Variants in RALGAPA1 observed in about 807,000 individuals in gnomAD.
The protein encoded by RALGAPA1 is ral GTPase-activating protein subunit alpha-1.
A neutral mutation model predicts 269.6 loss-of-function variants in RALGAPA1; 52 were observed. The ratio of observed to expected loss-of-function variants is 0.19; its 90% CI spans 0.15 to 0.24. RALGAPA1 has a LOEUF of 0.24. RALGAPA1 is among the 10% of genes least tolerant of loss of function. The pLI is 1.00. For synonymous variants in RALGAPA1, 817 were observed against 1,008.3 expected (o/e 0.81, Z 3.60); for missense variants, 1,917 against 3,013.9 (o/e 0.64, Z 8.52).
At position 35,808,952 on chromosome 14, in the gene RALGAPA1, C is replaced by T. The variant is rs1015543927; in HGVS notation, c.-117G>A. 8.1e-6 allele frequency: 12 copies of T among 1,474,194 alleles called. No homozygotes were observed. The highest frequency in any genetic ancestry group is 9.9e-6 in the Non-Finnish European group (11 of 1,115,056). 91.3% of individuals were successfully genotyped at this position (1,474,194 alleles called of 1,614,324 possible). A position where few individuals can be genotyped will look rare whatever the true frequency, so the allele number is the denominator to read the frequency against. ...TAGCCAGAGAGGCTCATTAGCTCCC[C>T]AGCCTTGCGGGCCAGGGCAGAGCCG... On this transcript the variant is annotated 5_prime_UTR_variant, in exon 1 of 42. Coordinates refer to ENST00000680220, the MANE Select transcript of RALGAPA1 (RefSeq NM_001346249.2).
chr14:35,551,308 T>C (rs2139130164), intron 39 of RALGAPA1, among the ~76,000 whole-genome samples: 1 of 152,200 alleles, frequency 6.6e-6, no homozygotes, highest in Middle Eastern at 3.4e-3. Flanking sequence ...AGAAGTGAAG[T>C]ATCTTGGTGG....
intron 27 of RALGAPA1, among the ~76,000 whole-genome samples, chr14:35,659,470 T>A (rs1384044909): frequency 2.0e-5 from 3 of 152,092 alleles, no homozygotes; most frequent in African/African-American, 4.8e-5. Flanking sequence ...GTATGAAGAT[T>A]TTTAAGATTT....
At chr14:35,623,617 T>C (rs900308181) in intron 35 of RALGAPA1, among the ~76,000 whole-genome samples, 10 of 152,214 alleles carry the variant, frequency 6.6e-5, no homozygotes, top group Non-Finnish European at 1.5e-4. Context: ...TTACAAAATG[T>C]TGGTGAAATT....
intron 20 of RALGAPA1, among the ~76,000 whole-genome samples, chr14:35,684,315 T>C (rs1398929250): frequency 2.6e-5 from 4 of 152,214 alleles, no homozygotes; most frequent in Non-Finnish European, 5.9e-5. Context: ...GCTGAATAAC[T>C]AAGTGGTAAT....
At chr14:35,709,988 A>G (rs1266485631) in intron 16 of RALGAPA1, among the ~76,000 whole-genome samples, 3 of 152,240 alleles carry the variant, frequency 2.0e-5, no homozygotes, top group Non-Finnish European at 4.4e-5. Flanking sequence ...GAGTTTGAGA[A>G]GAATGAGTAT....
intron 16 of RALGAPA1, among the ~76,000 whole-genome samples, chr14:35,708,780 G>C (rs2068032591): frequency 6.6e-6 from 1 of 152,142 alleles, no homozygotes. Context: ...GTTTATCTAA[G>C]AGATATCTGC....
At chr14:35,784,867 G>A (rs2075691709) in intron 1 of RALGAPA1, among the ~76,000 whole-genome samples, 9 of 152,024 alleles carry the variant, frequency 5.9e-5, no homozygotes, top group Admixed American at 4.6e-4. Context: ...TGAGTAGTCC[G>A]ATGATAGGCG....
intron 7 of RALGAPA1, 126 bp downstream of exon 7, chr14:35,756,667 T>G: frequency 1.6e-6 from 1 of 610,732 alleles, no homozygotes; most frequent in Admixed American, 3.4e-5. Context: ...ACCCTTCCCC[T>G]CCAACCTCCC....
intron 7 of RALGAPA1, 125 bp downstream of exon 7, chr14:35,756,668 C>G (rs2141312345): frequency 1.6e-6 from 1 of 615,030 alleles, no homozygotes; most frequent in South Asian, 2.9e-5. Context: ...CCCTTCCCCT[C>G]CAACCTCCCT....
At position 35,688,479 on chromosome 14, in the gene RALGAPA1, T is replaced by C. The variant is rs1349782973; in HGVS notation, c.3932A>G (p.Tyr1311Cys). The C allele has an allele frequency of 1.9e-5, 29 of 1,536,002 alleles. No individual in the cohort carries two copies. The South Asian group carries it at 2.5e-4, about 13-fold the overall frequency. ...LRDLYSHVMGYFGRKAAVNKE... is the reference protein window; with the variant it reads ...LRDLYSHVMGCFGRKAAVNKE... ...CTCACCTGCAGCTTTCCTTCCAAAA[T>C]AGCCCATTACATGACTGTACAGATC... The change falls in exon 18 of 42, where the codon TAT becomes TGT. Residue 1311 changes from tyrosine to cysteine, a missense_variant. By Grantham distance (194) the Tyr-to-Cys change is radical (BLOSUM62 -2). Transcript: ENST00000680220.
Position 35,725,163 on chromosome 14 carries a change from A to G in RALGAPA1, c.1737-10T>C, listed in dbSNP as rs1245098016. ...AAGCAGCATCTGTTCCCTTAAAATA[A>G]AAAGACTGATTAATGTTTCCTTCTT... On this transcript the variant is annotated splice_polypyrimidine_tract_variant and intron_variant, in intron 13 of 41. Transcript: ENST00000680220. 3 of 1,527,840 alleles carry G rather than the reference A, an allele frequency of 2.0e-6. No homozygotes were observed. The highest frequency in any genetic ancestry group is 2.6e-6 in the Non-Finnish European group (3 of 1,137,944). The allele number at this position is 1,527,840 out of a possible 1,614,324, so 94.6% of individuals were successfully genotyped here.
intron 37 of RALGAPA1, among the ~76,000 whole-genome samples, chr14:35,576,544 G>C (rs149522640): frequency 6.6e-6 from 1 of 151,974 alleles, no homozygotes; most frequent in African/African-American, 2.4e-5. Flanking sequence ...ATGTCAAATG[G>C]GACAGGCTTG....
intron 1 of RALGAPA1, 81 bp downstream of exon 1, chr14:35,808,649 C>A: frequency 6.8e-7 from 1 of 1,469,952 alleles, no homozygotes; most frequent in Non-Finnish European, 9.3e-7. Context: ...CGCCAGGTCC[C>A]GAGAGAGAGT....
At position 35,627,294 on chromosome 14, in the gene RALGAPA1, C is replaced by A; in HGVS notation, c.6653G>T (p.Cys2218Phe). Residue 2218 changes from cysteine (C) to phenylalanine (F), a missense_variant, in exon 34 of 42, where the codon TGC becomes TTC. Transcript: ENST00000680220. Reference protein sequence around the residue: ...SLNIPAPQPVCISEKQENDVI... With the variant: ...SLNIPAPQPVFISEKQENDVI... The stretch of plus-strand genomic sequence containing the variant: ...ATCATTTTCTTGTTTTTCAGAAATG[C>A]ACACAGGTTGTGGAGCAGGAATATT... The A allele has an allele frequency of 6.2e-7, 1 of 1,609,304 alleles. No homozygotes were observed. Among genetic ancestry groups the A allele is most frequent in the Non-Finnish European group, 8.5e-7 (1 of 1,178,824 alleles).
At chr14:35,767,330 T>A (rs1567188062) in intron 4 of RALGAPA1, among the ~76,000 whole-genome samples, 1 of 152,174 alleles carries the variant, frequency 6.6e-6, no homozygotes, top group Non-Finnish European at 1.5e-5. Flanking sequence ...TTTATAGTTT[T>A]AAATACCTAT....
chr14:35,724,821 C>T (rs1279969675), intron 14 of RALGAPA1, among the ~76,000 whole-genome samples: 1 of 152,076 alleles, frequency 6.6e-6, no homozygotes, highest in Non-Finnish European at 1.5e-5. Context: ...TTATGTATGG[C>T]AAATAGCTTA....
intron 1 of RALGAPA1, among the ~76,000 whole-genome samples, chr14:35,796,858 G>T (rs769059351): frequency 3.2e-4 from 49 of 152,000 alleles, no homozygotes; most frequent in Non-Finnish European, 5.6e-4. Flanking sequence ...TCGGATCTTG[G>T]CTCACTGCAA....
At chr14:35,609,950 A>G (rs1280881768) in intron 35 of RALGAPA1, among the ~76,000 whole-genome samples, 1 of 151,224 alleles carries the variant, frequency 6.6e-6, no homozygotes, top group East Asian at 1.9e-4. Context: ...AAAAGAAAAA[A>G]AGAAAGCACA....
chr14:35,684,198 C>G (rs1219483797), intron 20 of RALGAPA1, among the ~76,000 whole-genome samples: 1 of 152,146 alleles, frequency 6.6e-6, no homozygotes, highest in African/African-American at 2.4e-5. Flanking sequence ...ACATGTAATT[C>G]TCCAATGCAT....
Sources: gnomAD v4.1 joint callset for allele counts (sites outside exome capture counted in the v4.1 genomes callset) on GRCh38, gnomAD v4.1.1 for gene constraint, MANE v1.5 for transcripts, NCBI Gene and HGNC (gene_info 2026-07-23, HGNC 2026-07-21) for gene names.